Variants in PKP4 observed in about 807,000 individuals in gnomAD.
PKP4 encodes the protein plakophilin-4.
In PKP4, 90 loss-of-function variants were observed where a neutral mutation model predicts 145.1. That is an observed-to-expected ratio of 0.62 (90% CI 0.52 to 0.74). The LOEUF is 0.74. Among genes scored for constraint, PKP4 ranks in the 30% least tolerant of loss-of-function variants. The probability of loss-of-function intolerance (pLI) is 0.00; values close to 1 mark genes in which losing one functional copy is unlikely to be tolerated. For missense variants in PKP4, 1,340 were observed against 1,482.7 expected (o/e 0.90, Z 1.58); for synonymous variants, 563 against 577.2 (o/e 0.98, Z 0.35).
chr2:158,606,914 A>G (rs575595273), intron 4 of PKP4, among the ~76,000 whole-genome samples: 25 of 152,336 alleles, frequency 1.6e-4, no homozygotes, highest in African/African-American at 4.6e-4. Flanking sequence ...GGGGAATTCT[A>G]TAAGGGAAAA....
chr2:158,670,438 G>C (rs1043972142), intron 17 of PKP4, among the ~76,000 whole-genome samples: 27 of 152,046 alleles, frequency 1.8e-4, no homozygotes, highest in African/African-American at 6.5e-4. Flanking sequence ...CCTCTCAAAG[G>C]CTCCACCTCC....
chr2:158,499,246 TC>T (rs1277227387), intron 1 of PKP4, among the ~76,000 whole-genome samples: 6 of 152,030 alleles, frequency 3.9e-5, no homozygotes, highest in Non-Finnish European at 4.4e-5. Context: ...TGGGCCCCTT[TC>T]ATATCAAAAC....
At chr2:158,654,076 C>T (rs954174205) in intron 11 of PKP4, among the ~76,000 whole-genome samples, 1 of 152,134 alleles carries the variant, frequency 6.6e-6, no homozygotes, top group African/African-American at 2.4e-5. Flanking sequence ...CTTTTTCATC[C>T]ATTATTTATT....
At chr2:158,515,963 G>GT (rs984925324) in intron 1 of PKP4, among the ~76,000 whole-genome samples, 1 of 151,890 alleles carries the variant, frequency 6.6e-6, no homozygotes, top group African/African-American at 2.4e-5. Flanking sequence ...GCAGGATCGT[G>GT]TGACCTAGGA....
intron 11 of PKP4, among the ~76,000 whole-genome samples, chr2:158,649,654 C>T (rs2055163989): frequency 6.6e-6 from 1 of 152,088 alleles, no homozygotes; most frequent in African/African-American, 2.4e-5. Context: ...TGTAGGCTTC[C>T]GAGTGCCAAG....
chr2:158,503,439 A>G (rs923266534), intron 1 of PKP4, among the ~76,000 whole-genome samples: 10 of 152,228 alleles, frequency 6.6e-5, no homozygotes, highest in African/African-American at 2.2e-4. Flanking sequence ...AGCAAGTCTC[A>G]TGAATAAGAG....
intron 4 of PKP4, among the ~76,000 whole-genome samples, chr2:158,615,685 G>A (rs557268537): frequency 1.1e-4 from 16 of 152,158 alleles, no homozygotes; most frequent in Admixed American, 3.9e-4. Context: ...AAATCACTAC[G>A]ATACCAGTTT....
chr2:158,562,504 A>G (rs1574496113), intron 2 of PKP4, among the ~76,000 whole-genome samples: 1 of 152,128 alleles, frequency 6.6e-6, no homozygotes, highest in African/African-American at 2.4e-5. Flanking sequence ...GGTAACTGGG[A>G]GTTGTTTTTT....
intron 2 of PKP4, among the ~76,000 whole-genome samples, chr2:158,535,129 A>G (rs2043921210): frequency 6.6e-6 from 1 of 152,200 alleles, no homozygotes; most frequent in South Asian, 2.1e-4. Context: ...CTGGTTTTAA[A>G]TAGCTCCCCT....
chr2:158,639,438 A>C lies in PKP4; in HGVS notation c.1563-1189A>C, dbSNP rs571850486. ...TAATACATGGAGACTTCCCAGATCAAGAGAGACTCTAAGGCTTCAAAAACC... is the reference window on the plus strand; with the variant it reads ...TAATACATGGAGACTTCCCAGATCACGAGAGACTCTAAGGCTTCAAAAACC... On this transcript the variant is annotated intron_variant, in intron 9 of 21. Coordinates refer to ENST00000389759, the MANE Select transcript of PKP4 (RefSeq NM_003628.6). 8.5e-5 allele frequency among the ~76,000 whole-genome samples: 13 copies of C among 152,328 alleles called. No homozygotes were observed. In the South Asian group the frequency reaches 2.7e-3, roughly 32 times the overall value.
At chr2:158,558,605 C>G (rs2046283580) in intron 2 of PKP4, among the ~76,000 whole-genome samples, 1 of 151,926 alleles carries the variant, frequency 6.6e-6, no homozygotes, top group Non-Finnish European at 1.5e-5. Context: ...GAGTTTAGAG[C>G]AGCAGCCAGA....
At chr2:158,668,157 C>T (rs1228883386) in intron 16 of PKP4, among the ~76,000 whole-genome samples, 1 of 151,390 alleles carries the variant, frequency 6.6e-6, no homozygotes, top group Non-Finnish European at 1.5e-5. Context: ...TTCTGCCTCT[C>T]CAGTGATGAG....
intron 1 of PKP4, among the ~76,000 whole-genome samples, chr2:158,512,282 T>C (rs1325171861): frequency 2.0e-5 from 3 of 152,242 alleles, no homozygotes; most frequent in Non-Finnish European, 4.4e-5. Flanking sequence ...ACAAAATCTG[T>C]AAACAGATTA....
At chr2:158,485,098 C>T (rs368612201) in intron 1 of PKP4, among the ~76,000 whole-genome samples, 2 of 152,176 alleles carry the variant, frequency 1.3e-5, no homozygotes, top group African/African-American at 2.4e-5. Flanking sequence ...AAAGCCTCAC[C>T]GTGGTCTACA....
chr2:158,460,689 C>T (rs1573900822), intron 1 of PKP4, among the ~76,000 whole-genome samples: 1 of 152,260 alleles, frequency 6.6e-6, no homozygotes, highest in Non-Finnish European at 1.5e-5. Context: ...TATCTTCATT[C>T]TTAAATGGAA....
intron 3 of PKP4, among the ~76,000 whole-genome samples, chr2:158,577,973 A>G (rs954682272): frequency 5.3e-5 from 8 of 152,180 alleles, no homozygotes; most frequent in African/African-American, 1.9e-4. Flanking sequence ...TAAAAATTAC[A>G]TGTTCCGAAT....
chr2:158,540,654 C>G (rs1352082141), intron 2 of PKP4, among the ~76,000 whole-genome samples: 1 of 151,784 alleles, frequency 6.6e-6, no homozygotes, highest in Non-Finnish European at 1.5e-5. Flanking sequence ...TACTTTTGCC[C>G]CCTTTTAGTT....
At chr2:158,484,572 TG>T (rs1693891201) in intron 1 of PKP4, among the ~76,000 whole-genome samples, 1 of 152,200 alleles carries the variant, frequency 6.6e-6, no homozygotes. Context: ...ATAACTAAAA[TG>T]CCTGGTTCCT....
intron 1 of PKP4, among the ~76,000 whole-genome samples, chr2:158,464,476 C>G (rs1690274075): frequency 1.3e-5 from 2 of 152,104 alleles, no homozygotes; most frequent in South Asian, 4.1e-4. Context: ...GAAAAAAAAT[C>G]CGTATAGAAC....
Sources: allele counts gnomAD v4.1 joint callset (sites outside exome capture counted in the v4.1 genomes callset), GRCh38; gene constraint gnomAD v4.1.1; transcripts MANE v1.5; gene names NCBI Gene and HGNC (gene_info 2026-07-23, HGNC 2026-07-21).